The following KAZN variants were observed in gnomAD, a reference collection of about 807,000 sequenced individuals.
KAZN encodes kazrin, periplakin interacting protein.
In KAZN, 40 loss-of-function variants were observed where a neutral mutation model predicts 87.4. That is an observed-to-expected ratio of 0.46 (90% CI 0.36 to 0.60). The LOEUF (loss-of-function observed/expected upper bound fraction) is 0.60, where lower values mean the gene tolerates loss of function less well. Among genes scored for constraint, KAZN ranks in the 20% least tolerant of loss-of-function variants. The pLI, the probability that KAZN is intolerant of heterozygous loss-of-function variation, is 0.00. For synonymous variants in KAZN, 466 were observed against 458.3 expected (o/e 1.02, Z -0.22); for missense variants, 898 against 1,073.9 (o/e 0.84, Z 2.29).
At chr1:14,539,879 C>G (rs1296265230) in intron 2 of KAZN, among the ~76,000 whole-genome samples, 2 of 152,090 alleles carry the variant, frequency 1.3e-5, no homozygotes, top group African/African-American at 4.8e-5. Flanking sequence ...GGAAAGTCAC[C>G]ATCCCAATTA....
intron 1 of KAZN, among the ~76,000 whole-genome samples, chr1:14,860,627 C>T (rs755013959): frequency 6.6e-6 from 1 of 152,124 alleles, no homozygotes; most frequent in Non-Finnish European, 1.5e-5. Context: ...TGTACATATT[C>T]CAGGGACATT....
chr1:13,966,756 TA>T (rs1231445877), intron 1 of KAZN, among the ~76,000 whole-genome samples: 2 of 152,238 alleles, frequency 1.3e-5, no homozygotes, highest in African/African-American at 4.8e-5. Context: ...CAGTATAATA[TA>T]TGGCATTAGG....
At chr1:14,477,447 C>T (rs572915276) in intron 2 of KAZN, among the ~76,000 whole-genome samples, 1 of 148,042 alleles carries the variant, frequency 6.8e-6, no homozygotes, top group Non-Finnish European at 1.5e-5. Context: ...TCTCTCTCCC[C>T]CTCTCTCTCT....
intron 2 of KAZN, among the ~76,000 whole-genome samples, chr1:14,442,259 A>G (rs970274096): frequency 3.9e-5 from 6 of 152,236 alleles, no homozygotes; most frequent in African/African-American, 1.4e-4. Flanking sequence ...GGCTTTGGCA[A>G]TATACTTATA....
At chr1:14,740,193 T>A (rs1644045549) in intron 1 of KAZN, among the ~76,000 whole-genome samples, 1 of 152,060 alleles carries the variant, frequency 6.6e-6, no homozygotes, top group South Asian at 2.1e-4. Context: ...GGCTTAGACA[T>A]CCCTGGAGCT....
chr1:14,352,338 A>G (rs1461198075), intron 2 of KAZN, among the ~76,000 whole-genome samples: 4 of 152,186 alleles, frequency 2.6e-5, no homozygotes, highest in African/African-American at 9.6e-5. Flanking sequence ...GCTCCAGAGA[A>G]CTGACAGAGC....
chr1:14,244,040 AAAGT>A (rs1399610341), intron 2 of KAZN, among the ~76,000 whole-genome samples: 1 of 152,236 alleles, frequency 6.6e-6, no homozygotes, highest in Non-Finnish European at 1.5e-5. Context: ...CTTCATAGAT[AAAGT>A]AATAGAAACA....
At chr1:14,382,512 C>T (rs61771860) in intron 2 of KAZN, among the ~76,000 whole-genome samples, 1,817 of 126,480 alleles carry the variant, frequency 0.014, 21 homozygotes, top group Middle Eastern at 0.029. Context: ...TGTTCCCCTT[C>T]CTGTGTCCAT....
chr1:14,050,872 G>A (rs958923698), intron 1 of KAZN, among the ~76,000 whole-genome samples: 18 of 152,324 alleles, frequency 1.2e-4, no homozygotes, highest in Admixed American at 8.5e-4. Context: ...GCAGGTGGCT[G>A]AGAGTATTGT....
At chr1:13,963,397 GATCCAA>G (rs1641826642) in intron 1 of KAZN, among the ~76,000 whole-genome samples, 1 of 152,134 alleles carries the variant, frequency 6.6e-6, no homozygotes, top group Non-Finnish European at 1.5e-5. Flanking sequence ...GTGCTTGTTG[GATCCAA>G]ATCCTCTAGC....
rs1295409609 is a variant in KAZN, at chr1:14,842,899, T to TG, written c.227-117785_227-117784insG. Reference sequence around the variant, plus strand: ...CTGGAGTCAAGGACTTCCCACAGTTTTAACTGGGGTTTTTGTTGCTCCTTG... The same window carrying TG: ...CTGGAGTCAAGGACTTCCCACAGTTTGTAACTGGGGTTTTTGTTGCTCCTTG... On this transcript the variant is annotated intron_variant, in intron 1 of 14. Coordinates refer to ENST00000376030, the MANE Select transcript of KAZN (RefSeq NM_201628.3). Among the ~76,000 whole-genome samples, 49 of 152,334 alleles carry TG rather than the reference T, an allele frequency of 3.2e-4. 1 individual carries two copies. Among genetic ancestry groups the TG allele is most frequent in the African/African-American group, 1.2e-3 (48 of 41,566 alleles).
At chr1:15,067,227 AC>A in intron 8 of KAZN, 5 of 985,368 alleles carry the variant, frequency 5.1e-6, no homozygotes, top group Non-Finnish European at 6.0e-6. Flanking sequence ...TGAGCCCTCC[AC>A]CCTCCCCATT....
intron 1 of KAZN, among the ~76,000 whole-genome samples, chr1:14,159,624 G>A (rs1276101788): frequency 6.6e-6 from 1 of 152,164 alleles, no homozygotes; most frequent in Non-Finnish European, 1.5e-5. Flanking sequence ...GGTACCTAAG[G>A]TGCAAGACCA....
intron 1 of KAZN, among the ~76,000 whole-genome samples, chr1:14,738,445 T>G (rs564151754): frequency 6.6e-6 from 1 of 152,138 alleles, no homozygotes; most frequent in South Asian, 2.1e-4. Flanking sequence ...GCAGCCCTTG[T>G]ATATCTCGTC....
chr1:14,046,131 A>C (rs1052129221), intron 1 of KAZN, among the ~76,000 whole-genome samples: 1 of 152,184 alleles, frequency 6.6e-6, no homozygotes, highest in African/African-American at 2.4e-5. Context: ...TAAAAAATTT[A>C]ATAGGAATCA....
intron 2 of KAZN, among the ~76,000 whole-genome samples, chr1:14,188,468 C>T (rs72865712): frequency 0.012 from 1,855 of 152,064 alleles, 40 homozygotes; most frequent in African/African-American, 0.041. Flanking sequence ...CACAGAGGAA[C>T]CGGGATCTCA....
chr1:14,795,748 C>G (rs1040215277), intron 1 of KAZN, among the ~76,000 whole-genome samples: 1 of 152,152 alleles, frequency 6.6e-6, no homozygotes, highest in African/African-American at 2.4e-5. Flanking sequence ...CACACCAGCC[C>G]CTCTGACCTC....
At chr1:14,319,310 G>A (rs949752569) in intron 2 of KAZN, among the ~76,000 whole-genome samples, 5 of 152,028 alleles carry the variant, frequency 3.3e-5, no homozygotes, top group Non-Finnish European at 7.4e-5. Flanking sequence ...TAGTGAATGA[G>A]TTGAGTGATT....
chr1:14,509,569 A>C (rs1381504151), intron 2 of KAZN, among the ~76,000 whole-genome samples: 1 of 152,284 alleles, frequency 6.6e-6, no homozygotes, highest in African/African-American at 2.4e-5. Context: ...AAAAAGATTA[A>C]ATTTCATTCT....
Sources: allele counts gnomAD v4.1 joint callset (sites outside exome capture counted in the v4.1 genomes callset), GRCh38; gene constraint gnomAD v4.1.1; transcripts MANE v1.5; gene names NCBI Gene and HGNC (gene_info 2026-07-23, HGNC 2026-07-21).